The following TSNAX variants were observed in gnomAD, a reference collection of about 807,000 sequenced individuals.
TSNAX encodes the protein translin associated factor X, also known as translin-associated protein X.
TSNAX carries 12 observed loss-of-function variants against 33.0 expected under a neutral mutation model. The observed-to-expected ratio is 0.36, with a 90% CI of 0.23 to 0.59. The LOEUF (loss-of-function observed/expected upper bound fraction) is 0.59. TSNAX is among the 20% of genes least tolerant of loss of function. TSNAX has a pLI of 0.74. For missense variants in TSNAX, 267 were observed against 341.3 expected (o/e 0.78, Z 1.72); for synonymous variants, 110 against 117.2 (o/e 0.94, Z 0.40).
chr1:231,555,627 A>G (rs1660638819), intron 4 of TSNAX, among the ~76,000 whole-genome samples: 1 of 152,218 alleles, frequency 6.6e-6, no homozygotes, highest in Non-Finnish European at 1.5e-5. Flanking sequence ...CTAATTTTTA[A>G]AAAAATCAAA....
At chr1:231,544,642 C>A (rs1478531373) in intron 4 of TSNAX, among the ~76,000 whole-genome samples, 1 of 152,118 alleles carries the variant, frequency 6.6e-6, no homozygotes, top group Non-Finnish European at 1.5e-5. Context: ...CCCAGTAGTT[C>A]TATTTTGTAT....
intron 4 of TSNAX, 142 bp downstream of exon 4, chr1:231,542,753 G>C (rs1659659597): frequency 2.0e-6 from 2 of 1,006,140 alleles, no homozygotes; most frequent in South Asian, 1.8e-5. Context: ...TAGTAATATA[G>C]AAGTAATCCA....
chr1:231,563,146 T>C (rs1661218562), intron 5 of TSNAX, among the ~76,000 whole-genome samples: 2 of 152,364 alleles, frequency 1.3e-5, no homozygotes, highest in South Asian at 4.1e-4. Context: ...AATTATCTCA[T>C]TAGTTCCTCA....
chr1:231,539,484 C>T (rs1411767574), intron 3 of TSNAX, among the ~76,000 whole-genome samples: 3 of 152,050 alleles, frequency 2.0e-5, no homozygotes, highest in East Asian at 1.9e-4. Flanking sequence ...TTTTGGATTT[C>T]GGATTTTCAG....
intron 5 of TSNAX, 27 bp from the exon 6 acceptor site, chr1:231,564,501 T>G (rs184628893): frequency 0.012 from 16,864 of 1,402,186 alleles, 91 homozygotes; most frequent in Non-Finnish European, 0.014. Context: ...GTGTGTGTGT[T>G]TTTGTTTTGT....
chr1:231,548,122 C>T (rs889851316), intron 4 of TSNAX, among the ~76,000 whole-genome samples: 4 of 152,082 alleles, frequency 2.6e-5, no homozygotes, highest in African/African-American at 7.2e-5. Flanking sequence ...CATGAGCCAC[C>T]GCGCCTGGCC....
rs1553265099 is a variant in TSNAX, at chr1:231,532,159, C to CACACACACACACAT, written c.121+2813_121+2814insTACACACACACACA. Among the ~76,000 whole-genome samples, 21 of 89,342 alleles carry CACACACACACACAT rather than the reference C, an allele frequency of 2.4e-4. 1 individual carries two copies. The highest frequency in any genetic ancestry group is 6.1e-3 in the Middle Eastern group (1 of 164). The allele number at this position is 89,342 out of a possible 152,430, so 58.6% of individuals were successfully genotyped here. A position where few individuals can be genotyped will look rare whatever the true frequency, so the allele number is the denominator to read the frequency against. On this transcript the variant is annotated intron_variant, in intron 2 of 5. Coordinates refer to ENST00000366639, the MANE Select transcript of TSNAX (RefSeq NM_005999.3). ...ACACACACACACACACACACACACA[C>CACACACACACACAT]ACACACACACACACACACACACACA...
chr1:231,534,352 C>G (rs932656930), intron 2 of TSNAX: 7 of 152,160 alleles, frequency 4.6e-5, no homozygotes, highest in African/African-American at 1.7e-4. Context: ...AAATGTCACT[C>G]TGGCAGCTAC....
intron 1 of TSNAX, 34 bp downstream of exon 1, chr1:231,528,860 C>T: frequency 6.2e-7 from 1 of 1,613,918 alleles, no homozygotes; most frequent in Non-Finnish European, 8.5e-7. Flanking sequence ...CGTTATTTAT[C>T]CGGAGGGGGA....
intron 2 of TSNAX, 101 bp from the exon 3 acceptor site, chr1:231,537,112 T>C: frequency 1.2e-6 from 1 of 806,244 alleles, no homozygotes; most frequent in Non-Finnish European, 1.9e-6. Flanking sequence ...ATTACAGGCG[T>C]GAGCCACCGC....
Position 231,537,228 on chromosome 1 carries a change from T to A in TSNAX, c.137T>A (p.Leu46His). 6.2e-7 allele frequency: 1 copy of A among 1,612,042 alleles called. No homozygotes were observed. Among genetic ancestry groups the A allele is most frequent in the Non-Finnish European group, 8.5e-7 (1 of 1,179,246 alleles). Residue 46 changes from leucine to histidine, a missense_variant, in exon 3 of 6, where the codon CTT (leucine) becomes CAT (histidine). By Grantham distance (99) the Leu-to-His change is moderately conservative. Transcript: ENST00000366639. ...GTGTTTTTAGCATTTCAGCAGGAAC[T>A]TGATGCAAGGCATGACAAATATGAG... Reference protein sequence around the residue: ...MLAFKSFQQELDARHDKYERL... With the variant: ...MLAFKSFQQEHDARHDKYERL...
chr1:231,540,957 A>G (rs537361041), intron 3 of TSNAX, among the ~76,000 whole-genome samples: 1 of 152,310 alleles, frequency 6.6e-6, no homozygotes, highest in East Asian at 1.9e-4. Flanking sequence ...TAGAACGTAT[A>G]TCTTTTCATC....
At chr1:231,551,034 A>G (rs1195783963) in intron 4 of TSNAX, among the ~76,000 whole-genome samples, 2 of 152,222 alleles carry the variant, frequency 1.3e-5, no homozygotes, top group Non-Finnish European at 2.9e-5. Context: ...GTTCTATAAT[A>G]TAGTTTAGTG....
intron 4 of TSNAX, among the ~76,000 whole-genome samples, chr1:231,553,368 A>T (rs1020302781): frequency 6.6e-6 from 1 of 152,242 alleles, no homozygotes; most frequent in Non-Finnish European, 1.5e-5. Context: ...GGAAAAAAAT[A>T]ACAATTTACA....
intron 4 of TSNAX, among the ~76,000 whole-genome samples, chr1:231,547,397 T>TTC (rs1276727571): frequency 7.0e-6 from 1 of 143,182 alleles, no homozygotes; most frequent in African/African-American, 2.6e-5. Flanking sequence ...TTCTTTTTTT[T>TTC]TTTTTTTTTT....
intron 2 of TSNAX, among the ~76,000 whole-genome samples, chr1:231,532,985 A>G (rs1175344758): frequency 2.0e-5 from 3 of 151,792 alleles, no homozygotes; most frequent in Admixed American, 6.6e-5. Context: ...CTTTCATAAG[A>G]TTTACCAAGT....
In TSNAX at chr1:231,566,522, A is replaced by C. The variant is rs1661448187; in HGVS notation, c.*1617A>C. ...AAAATAAAACATGGACATGCCTAGTAAATTCTGTTTTTTTGTTTGTTCGTG... is the reference window on the plus strand; with the variant it reads ...AAAATAAAACATGGACATGCCTAGTCAATTCTGTTTTTTTGTTTGTTCGTG... On this transcript the variant is annotated 3_prime_UTR_variant, in exon 6 of 6. Transcript: ENST00000366639. 1 of 152,134 alleles carries C rather than the reference A, an allele frequency of 6.6e-6. No homozygotes were observed. Among genetic ancestry groups the C allele is most frequent in the Non-Finnish European group, 1.5e-5 (1 of 68,016 alleles). The allele number at this position is 152,134 out of a possible 1,614,324, so 9.4% of individuals were successfully genotyped here. A position where few individuals can be genotyped will look rare whatever the true frequency, so the allele number is the denominator to read the frequency against.
rs893050671 is a variant in TSNAX at position 231,566,189 on chromosome 1, G to A, written c.*1284G>A. 6.6e-6 allele frequency: 1 copy of A among 152,400 alleles called. No individual in the cohort carries two copies. The highest frequency in any genetic ancestry group is 1.5e-5 in the Non-Finnish European group (1 of 68,002). 9.4% of individuals were successfully genotyped at this position (152,400 alleles called of 1,614,324 possible). ...ACTAAGTTAATCCAGACCTTTAGTTGTCCCATGGTGTTAATAAAGTTGCCA... is the reference window on the plus strand; with the variant it reads ...ACTAAGTTAATCCAGACCTTTAGTTATCCCATGGTGTTAATAAAGTTGCCA... On this transcript the variant is annotated 3_prime_UTR_variant, in exon 6 of 6. Coordinates refer to ENST00000366639, the MANE Select transcript of TSNAX (RefSeq NM_005999.3).
intron 2 of TSNAX, among the ~76,000 whole-genome samples, chr1:231,532,131 A>AACACAC (rs745744924): frequency 0.042 from 3,550 of 84,932 alleles, 150 homozygotes; most frequent in East Asian, 0.07. Flanking sequence ...TAGTGGTAAT[A>AACACAC]ACACACACAC....
Sources: allele counts gnomAD v4.1 joint callset (sites outside exome capture counted in the v4.1 genomes callset), GRCh38; gene constraint gnomAD v4.1.1; transcripts MANE v1.5; gene names NCBI Gene and HGNC (gene_info 2026-07-23, HGNC 2026-07-21).